The following CIMIP2B variants were observed in gnomAD, a reference collection of about 807,000 sequenced individuals.
The protein encoded by CIMIP2B is ciliary microtubule inner protein 2B, also known as family with sequence similarity 166 member B.
the CIMIP2B span, chr9:35,563,025 G>C: frequency 6.2e-7 from 1 of 1,613,880 alleles, no homozygotes; most frequent in Non-Finnish European, 8.5e-7. Context: ...TCAGAGCCTC[G>C]GCCCAGACCT....
chr9:35,562,545 A>T, the CIMIP2B span: 1 of 1,584,654 alleles, frequency 6.3e-7, no homozygotes, highest in Non-Finnish European at 8.6e-7. Flanking sequence ...CCGAAGAGGA[A>T]GCGGGCGCAG....
chr9:35,562,686 G>A, the CIMIP2B span: 4 of 1,613,694 alleles, frequency 2.5e-6, no homozygotes, highest in African/African-American at 5.3e-5. Flanking sequence ...TGTCATCCAT[G>A]GAGTAGGGAG....
At chr9:35,562,865 T>C in the CIMIP2B span, 8 of 1,613,910 alleles carry the variant, frequency 5.0e-6, no homozygotes, top group Admixed American at 1.3e-4. Flanking sequence ...CACCAGCTTC[T>C]TGGTCTCACT....
chr9:35,562,693 G>A, the CIMIP2B span: 1 of 1,613,544 alleles, frequency 6.2e-7, no homozygotes, highest in Non-Finnish European at 8.5e-7. Flanking sequence ...CATGGAGTAG[G>A]GAGAAGCCTG....
chr9:35,561,911 GT>G, the CIMIP2B span: 1 of 489,292 alleles, frequency 2.0e-6, no homozygotes, highest in Non-Finnish European at 3.8e-6. Flanking sequence ...TTCTCTTTGT[GT>G]TCCCCCACCC....
At chr9:35,563,189 G>C in the CIMIP2B span, 1 of 1,614,008 alleles carries the variant, frequency 6.2e-7, no homozygotes, top group South Asian at 1.1e-5. Flanking sequence ...GATCATGCTG[G>C]AGCTGAGCCT....
chr9:35,562,896 C>T, the CIMIP2B span: 189 of 1,614,012 alleles, frequency 1.2e-4, no homozygotes, highest in African/African-American at 2.1e-3. Flanking sequence ...CCTCCAGTGT[C>T]GGCTCCTCCA....
chr9:35,563,789 G>A, the CIMIP2B span: 1 of 1,614,046 alleles, frequency 6.2e-7, no homozygotes. Flanking sequence ...TGAGGGTTCT[G>A]AGGGTTGAGC....
chr9:35,562,685 T>C, the CIMIP2B span: 4 of 1,613,720 alleles, frequency 2.5e-6, no homozygotes, highest in East Asian at 2.2e-5. Context: ...CTGTCATCCA[T>C]GGAGTAGGGA....
At chr9:35,561,919 A>AACCCC in the CIMIP2B span, 1 of 109,272 alleles carries the variant, frequency 9.2e-6, no homozygotes. Context: ...GTGTTCCCCC[A>AACCCC]CCCTCCCACC....
chr9:35,563,062 T>G, the CIMIP2B span: 16 of 1,613,914 alleles, frequency 9.9e-6, no homozygotes, highest in Admixed American at 2.7e-4. Context: ...AAAGATGAAC[T>G]GTGCCCGGGG....
At chr9:35,562,172 C>G in the CIMIP2B span, 1 of 1,185,348 alleles carries the variant, frequency 8.4e-7, no homozygotes, top group Non-Finnish European at 1.2e-6. Flanking sequence ...GTTGGCTAGA[C>G]CTCCAAACAG....
chr9:35,561,832 C>CTGTT, the CIMIP2B span: 2 of 604,042 alleles, frequency 3.3e-6, no homozygotes, highest in South Asian at 2.1e-5. Flanking sequence ...GCCCAGGCGT[C>CTGTT]TGTTTATGTA....
chr9:35,562,361 C>G, the CIMIP2B span: 7 of 1,458,136 alleles, frequency 4.8e-6, no homozygotes, highest in Non-Finnish European at 5.4e-6. Flanking sequence ...CCCAAAGCCT[C>G]CCCGGGGGCT....
At chr9:35,563,698 C>T in the CIMIP2B span, 1 of 1,449,828 alleles carries the variant, frequency 6.9e-7, no homozygotes, top group African/African-American at 1.4e-5. Context: ...ATGCTCTAAG[C>T]AGCTTAATTC....
At chr9:35,561,934 C>CAAAA in the CIMIP2B span, 1 of 498,770 alleles carries the variant, frequency 2.0e-6, no homozygotes. Context: ...CCCACCCTCC[C>CAAAA]ACCCACCTCT....
the CIMIP2B span, chr9:35,563,170 G>C: frequency 1.2e-6 from 2 of 1,613,794 alleles, no homozygotes; most frequent in East Asian, 2.2e-5. Context: ...ACAAACCTGT[G>C]TACCCAGGGA....
chr9:35,563,805 T>C, the CIMIP2B span: 1 of 1,613,978 alleles, frequency 6.2e-7, no homozygotes, highest in Non-Finnish European at 8.5e-7. Flanking sequence ...TGAGCCCTGG[T>C]ATGAAGGTGC....
the CIMIP2B span, chr9:35,563,742 G>C: frequency 2.8e-5 from 44 of 1,599,040 alleles, no homozygotes; most frequent in Non-Finnish European, 3.8e-5. Flanking sequence ...AGCAGCAAGC[G>C]GGGAGCGCTA....
Sources: allele counts gnomAD v4.1 joint callset, GRCh38; gene constraint gnomAD v4.1.1; transcripts MANE v1.5; gene names NCBI Gene and HGNC (gene_info 2026-07-23, HGNC 2026-07-21).